Variants in PCCA observed in about 807,000 individuals in gnomAD.
PCCA encodes propionyl-CoA carboxylase subunit alpha.
Under a neutral mutation model 101.3 loss-of-function variants are expected in PCCA, and 74 were observed. That is an observed-to-expected ratio of 0.73 (90% confidence interval 0.61 to 0.89). The LOEUF is 0.89. Among genes scored for constraint, PCCA ranks in the 40% least tolerant of loss-of-function variants. The pLI is 0.00. For missense variants in PCCA, 891 were observed against 907.0 expected (o/e 0.98, Z 0.23); for synonymous variants, 294 against 313.6 (o/e 0.94, Z 0.66).
At chr13:100,418,702 T>C (rs2078542754) in intron 19 of PCCA, among the ~76,000 whole-genome samples, 3 of 151,790 alleles carry the variant, frequency 2.0e-5, no homozygotes, top group African/African-American at 7.3e-5. Flanking sequence ...GGCATGGTGG[T>C]GTACACCTGT....
At chr13:100,395,231 A>G (rs1036898715) in intron 19 of PCCA, among the ~76,000 whole-genome samples, 2 of 152,204 alleles carry the variant, frequency 1.3e-5, no homozygotes, top group East Asian at 3.8e-4. Flanking sequence ...ATAGCCCACA[A>G]ATTATTTTGG....
rs1555429132 is a variant in PCCA, at chr13:100,348,920, T to TTTC, written c.1643+8663_1643+8664insCTT. On this transcript the variant is annotated intron_variant, in intron 18 of 23. Coordinates refer to ENST00000376285, the MANE Select transcript of PCCA (RefSeq NM_000282.4). ...TTCCTTCCTTCCTTCCTTTCTTTTC[T>TTTC]TTTCTTTTCTTTTCTTTCTTTTCTT... Among the ~76,000 whole-genome samples the TTTC allele has an allele frequency of 3.9e-4, 35 of 89,090 alleles. 2 individuals carry two copies. The highest frequency in any genetic ancestry group is 7.8e-4 in the East Asian group (3 of 3,868). The allele number at this position is 89,090 out of a possible 152,430, so 58.4% of individuals were successfully genotyped here.
At chr13:100,526,534 A>G (rs1430344991) in intron 22 of PCCA, among the ~76,000 whole-genome samples, 1 of 152,190 alleles carries the variant, frequency 6.6e-6, no homozygotes, top group Non-Finnish European at 1.5e-5. Context: ...GGACTTGGAG[A>G]TCATCTGGGG....
intron 11 of PCCA, among the ~76,000 whole-genome samples, chr13:100,271,183 G>C (rs1303849317): frequency 6.6e-6 from 1 of 152,116 alleles, no homozygotes; most frequent in African/African-American, 2.4e-5. Context: ...TTCTCCAGAT[G>C]TTATGCTATT....
chr13:100,529,412 A>C (rs989647343), intron 23 of PCCA, among the ~76,000 whole-genome samples: 7 of 152,162 alleles, frequency 4.6e-5, no homozygotes, highest in African/African-American at 1.4e-4. Flanking sequence ...CAAGAAGTCA[A>C]ATGACTGTCT....
intron 22 of PCCA, among the ~76,000 whole-genome samples, chr13:100,524,983 GGATAGATA>G (rs201979758): frequency 0.052 from 7,191 of 137,212 alleles, 188 homozygotes; most frequent in Non-Finnish European, 0.063. Context: ...TCTCTAAGAT[GGATAGATA>G]GATAGATAGA....
intron 10 of PCCA, among the ~76,000 whole-genome samples, chr13:100,263,810 A>G (rs2062693794): frequency 1.6e-5 from 2 of 126,112 alleles, no homozygotes; most frequent in South Asian, 2.3e-4. Context: ...TATATACAGT[A>G]TCTGTATATC....
At chr13:100,116,197 A>G (rs184805014) in intron 4 of PCCA, among the ~76,000 whole-genome samples, 1 of 152,292 alleles carries the variant, frequency 6.6e-6, no homozygotes, top group East Asian at 1.9e-4. Flanking sequence ...TAATTTTTGC[A>G]TGTTTGTTTT....
At chr13:100,486,001 G>T (rs144675917) in intron 21 of PCCA, among the ~76,000 whole-genome samples, 2 of 152,142 alleles carry the variant, frequency 1.3e-5, no homozygotes, top group Non-Finnish European at 2.9e-5. Flanking sequence ...CCTAACACAG[G>T]AGTTGGCCTC....
chr13:100,098,654 A>T (rs2046994680), intron 1 of PCCA, among the ~76,000 whole-genome samples: 1 of 152,146 alleles, frequency 6.6e-6, no homozygotes, highest in African/African-American at 2.4e-5. Context: ...CTACAGCGGG[A>T]TGGGGAAGAA....
intron 10 of PCCA, among the ~76,000 whole-genome samples, chr13:100,263,969 G>A (rs888871927): frequency 1.4e-5 from 2 of 145,532 alleles, no homozygotes; most frequent in Non-Finnish European, 3.0e-5. Context: ...TCATATATAC[G>A]GTATCTGTAT....
intron 18 of PCCA, among the ~76,000 whole-genome samples, chr13:100,354,074 A>ACAT (rs561384561): frequency 7.7e-6 from 1 of 129,164 alleles, no homozygotes; most frequent in Non-Finnish European, 1.6e-5. Context: ...CCATCTCTAC[A>ACAT]AATAATAATA....
At chr13:100,392,781 C>G (rs1040182345) in intron 19 of PCCA, among the ~76,000 whole-genome samples, 2 of 152,128 alleles carry the variant, frequency 1.3e-5, no homozygotes, top group Non-Finnish European at 2.9e-5. Context: ...ATCCATGTAG[C>G]GTTTTAATGA....
chr13:100,267,880 G>A (rs1297023486), intron 10 of PCCA, among the ~76,000 whole-genome samples: 1 of 152,096 alleles, frequency 6.6e-6, no homozygotes, highest in African/African-American at 2.4e-5. Context: ...TTTAAATGTA[G>A]CTGGATATCT....
At chr13:100,464,905 T>C (rs1423131115) in intron 21 of PCCA, among the ~76,000 whole-genome samples, 1 of 152,228 alleles carries the variant, frequency 6.6e-6, no homozygotes, top group African/African-American at 2.4e-5. Context: ...AGATGTTCTT[T>C]CTTCTACTGG....
intron 4 of PCCA, among the ~76,000 whole-genome samples, chr13:100,132,947 C>T (rs2105131): frequency 0.92 from 140,270 of 152,092 alleles, 64,774 homozygotes; most frequent in East Asian, 0.99. Flanking sequence ...GCCCAGCTAA[C>T]TTTTTGTATT....
chr13:100,403,292 C>A (rs956448312), intron 19 of PCCA, among the ~76,000 whole-genome samples: 14 of 152,128 alleles, frequency 9.2e-5, no homozygotes, highest in Non-Finnish European at 1.9e-4. Flanking sequence ...GCCAAACAAA[C>A]AACACTCAGT....
At chr13:100,461,494 A>G (rs910014298) in intron 21 of PCCA, among the ~76,000 whole-genome samples, 7 of 152,208 alleles carry the variant, frequency 4.6e-5, no homozygotes, top group African/African-American at 1.7e-4. Flanking sequence ...GATGTCATAC[A>G]TTTTTGGTTG....
chr13:100,215,569 A>G (rs1450705162), intron 7 of PCCA, among the ~76,000 whole-genome samples: 1 of 152,172 alleles, frequency 6.6e-6, no homozygotes, highest in Non-Finnish European at 1.5e-5. Flanking sequence ...AGTGCCTTAT[A>G]TGAAATGGGG....
Sources: allele counts gnomAD v4.1 joint callset (sites outside exome capture counted in the v4.1 genomes callset), GRCh38; gene constraint gnomAD v4.1.1; transcripts MANE v1.5; gene names NCBI Gene and HGNC (gene_info 2026-07-23, HGNC 2026-07-21).